Variants in SERGEF observed in about 807,000 individuals in gnomAD.
SERGEF encodes secretion regulating guanine nucleotide exchange factor.
A neutral mutation model predicts 50.0 loss-of-function variants in SERGEF; 51 were observed. That is an observed-to-expected ratio of 1.02 (90% CI 0.81 to 1.29). The LOEUF (loss-of-function observed/expected upper bound fraction) is 1.29, where lower values mean the gene tolerates loss of function less well. Among genes scored for constraint, SERGEF ranks in the 50% most tolerant of loss-of-function variants. The pLI, the probability that SERGEF is intolerant of heterozygous loss-of-function variation, is 0.00. For missense variants in SERGEF, 521 were observed against 557.0 expected (o/e 0.94, Z 0.65); for synonymous variants, 205 against 212.4 (o/e 0.97, Z 0.30).
At chr11:17,950,635 G>A (rs1372300578) in intron 9 of SERGEF, among the ~76,000 whole-genome samples, 1 of 152,152 alleles carries the variant, frequency 6.6e-6, no homozygotes, top group Non-Finnish European at 1.5e-5. Flanking sequence ...AATAGTGGTA[G>A]AAATGGAGGT....
At chr11:17,821,216 GA>G (rs940813216) in intron 10 of SERGEF, among the ~76,000 whole-genome samples, 1 of 152,172 alleles carries the variant, frequency 6.6e-6, no homozygotes. Flanking sequence ...CTGGCCTCCA[GA>G]AGTGAGAGCA....
chr11:18,012,991 G>A lies in SERGEF; in HGVS notation c.20C>T (p.Ala7Val), dbSNP rs1590254967. The part of the protein sequence containing the change: MEREPS[A>V]SEAAPAAAAL... ...GGCCGCCGCGGGGGCGGCCTCCGAG[G>A]CGCTGGGCTCGCGCTCCATGCGAGG... The change falls in exon 1 of 11, where the codon GCC (alanine) becomes GTC (valine). Residue 7 changes from alanine to valine, a missense_variant. Ala to Val is a moderately conservative substitution (Grantham distance 64). Coordinates refer to ENST00000265965, the MANE Select transcript of SERGEF (RefSeq NM_012139.4). 6.9e-7 allele frequency: 1 copy of A among 1,458,232 alleles called. No individual in the cohort carries two copies. Among genetic ancestry groups the A allele is most frequent in the Non-Finnish European group, 9.0e-7 (1 of 1,115,412 alleles). 90.3% of individuals were successfully genotyped at this position (1,458,232 alleles called of 1,614,324 possible). A position where few individuals can be genotyped will look rare whatever the true frequency, so the allele number is the denominator to read the frequency against.
chr11:17,847,289 C>T (rs1260666067), intron 10 of SERGEF, among the ~76,000 whole-genome samples: 3 of 152,206 alleles, frequency 2.0e-5, no homozygotes, highest in Middle Eastern at 3.4e-3. Flanking sequence ...CCTGAGCAGA[C>T]GGCAGAACGT....
chr11:17,986,273 G>A (rs1853595072), intron 8 of SERGEF, among the ~76,000 whole-genome samples: 1 of 152,110 alleles, frequency 6.6e-6, no homozygotes, highest in African/African-American at 2.4e-5. Flanking sequence ...GCTGCTAGAA[G>A]GAACACAAAA....
intron 9 of SERGEF, among the ~76,000 whole-genome samples, chr11:17,931,420 C>T (rs1301650036): frequency 6.6e-6 from 1 of 152,118 alleles, no homozygotes; most frequent in Non-Finnish European, 1.5e-5. Context: ...GCAAATAATA[C>T]TCAAATGTCC....
chr11:17,848,717 T>A (rs928559573), intron 10 of SERGEF, among the ~76,000 whole-genome samples: 2 of 152,218 alleles, frequency 1.3e-5, no homozygotes, highest in Admixed American at 1.3e-4. Flanking sequence ...ATAAAAAGAC[T>A]ATGATGAACA....
chr11:17,788,351 T>C lies in SERGEF; in HGVS notation c.1111A>G (p.Asn371Asp), dbSNP rs763756086. The C allele has an allele frequency of 2.0e-5, 33 of 1,614,006 alleles. No individual in the cohort carries two copies. In the Admixed American group the frequency reaches 5.3e-4, roughly 26 times the overall value. The change falls in exon 11 of 11, where the codon AAC becomes GAC. Residue 371 changes from asparagine (N) to aspartate (D), a missense_variant. Asn to Asp is a conservative substitution (Grantham distance 23). Coordinates refer to ENST00000265965, the MANE Select transcript of SERGEF (RefSeq NM_012139.4). ...TGCACCGGCTTTGGGGCCCAGACGT[T>C]GGCTTCAGTGCCATCTCCGCACATG... ...HGMCGDGTEA[N>D]VWAPKPVQAL... is the part of the protein sequence containing the mutation.
intron 10 of SERGEF, among the ~76,000 whole-genome samples, chr11:17,815,880 C>G (rs1049494046): frequency 6.6e-6 from 1 of 152,182 alleles, no homozygotes; most frequent in Non-Finnish European, 1.5e-5. Context: ...CCAGATTGCG[C>G]CACTGCACTC....
chr11:17,932,608 A>AGAAG (rs2133948890), intron 9 of SERGEF, among the ~76,000 whole-genome samples: 1 of 152,322 alleles, frequency 6.6e-6, no homozygotes, highest in East Asian at 1.9e-4. Flanking sequence ...AAGGAGCCAT[A>AGAAG]GAAGGAGAAA....
chr11:18,004,096 G>A (rs1258731599), intron 4 of SERGEF, among the ~76,000 whole-genome samples: 2 of 152,088 alleles, frequency 1.3e-5, no homozygotes, highest in African/African-American at 2.4e-5. Context: ...CTAGCTTAGT[G>A]TCTTTCGACA....
At chr11:17,813,596 G>T (rs1849911647) in intron 10 of SERGEF, among the ~76,000 whole-genome samples, 1 of 152,158 alleles carries the variant, frequency 6.6e-6, no homozygotes, top group African/African-American at 2.4e-5. Context: ...AACATTCTAG[G>T]CAGGGAGTTA....
chr11:17,900,650 A>G (rs1454316819), intron 9 of SERGEF, among the ~76,000 whole-genome samples: 1 of 152,178 alleles, frequency 6.6e-6, no homozygotes, highest in Non-Finnish European at 1.5e-5. Context: ...TGACAATTCT[A>G]ACTGCTTTGC....
intron 9 of SERGEF, among the ~76,000 whole-genome samples, chr11:17,887,995 C>T (rs981702343): frequency 7.9e-5 from 12 of 152,194 alleles, no homozygotes; most frequent in South Asian, 2.1e-4. Context: ...ATCTGAGCTC[C>T]GCCTCCTGTC....
Position 17,884,883 on chromosome 11 carries a change from T to C in SERGEF, c.1012-6639A>G, listed in dbSNP as rs932377621. Among the ~76,000 whole-genome samples, 9 of 152,132 alleles carry C rather than the reference T, an allele frequency of 5.9e-5. No homozygotes were observed. The highest frequency in any genetic ancestry group is 1.7e-4 in the African/African-American group (7 of 41,426). ...CCTGGATGTCAAGCATGTGACATTA[T>C]AGAATTTCACTTTACCTGCAATACC... On this transcript the variant is annotated intron_variant, in intron 9 of 10. Transcript: ENST00000265965. The surrounding 1 kb of genome is among the most constrained non-coding windows in gnomAD (Gnocchi z 4.6).
intron 10 of SERGEF, among the ~76,000 whole-genome samples, chr11:17,824,067 C>T (rs184398673): frequency 2.3e-3 from 346 of 152,168 alleles, no homozygotes; most frequent in African/African-American, 7.5e-3. Flanking sequence ...TTTGGGAGGC[C>T]GAGGCGGGCG....
intron 9 of SERGEF, among the ~76,000 whole-genome samples, chr11:17,929,892 T>C (rs1852320905): frequency 6.6e-6 from 1 of 152,226 alleles, no homozygotes; most frequent in Non-Finnish European, 1.5e-5. Context: ...CATTACTTTA[T>C]AGTCTCAGAT....
Position 17,825,301 on chromosome 11 carries a change from G to A in SERGEF, c.1049-36888C>T, listed in dbSNP as rs78501639. ...ATAATACAGTAAATAAAATACAAGCGGAAATTCAAAACCATGGAAAGGAGG... is the reference window on the plus strand; with the variant it reads ...ATAATACAGTAAATAAAATACAAGCAGAAATTCAAAACCATGGAAAGGAGG... On this transcript the variant is annotated intron_variant, in intron 10 of 10. Transcript: ENST00000265965. Among the ~76,000 whole-genome samples the A allele has an allele frequency of 5.4e-3, 819 of 152,190 alleles. 4 individuals are homozygous for A. Among genetic ancestry groups the A allele is most frequent in the African/African-American group, 0.019 (782 of 41,520 alleles).
At chr11:17,932,759 G>C (rs1294811374) in intron 9 of SERGEF, among the ~76,000 whole-genome samples, 6 of 152,144 alleles carry the variant, frequency 3.9e-5, no homozygotes, top group African/African-American at 1.4e-4. Context: ...GGTGGGAATA[G>C]AGATGCGGAA....
At chr11:17,930,996 T>C (rs1348322106) in intron 9 of SERGEF, among the ~76,000 whole-genome samples, 1 of 152,166 alleles carries the variant, frequency 6.6e-6, no homozygotes, top group African/African-American at 2.4e-5. Context: ...AGAGCTAATA[T>C]GGTATTTCCT....
Sources: allele counts gnomAD v4.1 joint callset (sites outside exome capture counted in the v4.1 genomes callset), GRCh38; gene constraint gnomAD v4.1.1; non-coding constraint Gnocchi (gnomAD v3.1); transcripts MANE v1.5; gene names NCBI Gene and HGNC (gene_info 2026-07-23, HGNC 2026-07-21).